CMIP: variants seen among roughly 807,000 people sequenced by gnomAD.
CMIP encodes c-Maf inducing protein.
CMIP carries 13 observed loss-of-function variants against 97.3 expected under a neutral mutation model. The ratio of observed to expected loss-of-function variants is 0.13; its 90% CI spans 0.09 to 0.21. CMIP has a LOEUF of 0.21. Among genes scored for constraint, CMIP ranks in the 10% least tolerant of loss-of-function variants. CMIP has a pLI of 1.00. For synonymous variants in CMIP, 538 were observed against 436.3 expected (o/e 1.23, Z -2.91); for missense variants, 847 against 1,024.9 (o/e 0.83, Z 2.37).
At chr16:81,512,135 A>G (rs549136995) in intron 1 of CMIP, among the ~76,000 whole-genome samples, 20 of 152,346 alleles carry the variant, frequency 1.3e-4, no homozygotes, top group African/African-American at 4.8e-4. Flanking sequence ...TGTGGCTACT[A>G]GAATATTTAG....
At chr16:81,521,799 A>T (rs1452059854) in intron 1 of CMIP, among the ~76,000 whole-genome samples, 1 of 152,186 alleles carries the variant, frequency 6.6e-6, no homozygotes, top group East Asian at 1.9e-4. Context: ...TTCAAACATA[A>T]GATACTTTTC....
intron 14 of CMIP, among the ~76,000 whole-genome samples, chr16:81,698,521 G>A (rs2317417): frequency 6.6e-6 from 1 of 151,952 alleles, no homozygotes; most frequent in Non-Finnish European, 1.5e-5. Context: ...AAGTTTCTAC[G>A]TGGTTCCAGC....
chr16:81,473,231 G>C (rs981194497), intron 1 of CMIP, among the ~76,000 whole-genome samples: 1 of 152,232 alleles, frequency 6.6e-6, no homozygotes, highest in African/African-American at 2.4e-5. Context: ...ACAGGCTGCG[G>C]CTGTCACTGA....
chr16:81,475,635 A>T (rs967728747), intron 1 of CMIP, among the ~76,000 whole-genome samples: 2 of 152,236 alleles, frequency 1.3e-5, no homozygotes, highest in African/African-American at 4.8e-5. Flanking sequence ...TACTGTGAGC[A>T]AATGGGGCAG....
intron 1 of CMIP, among the ~76,000 whole-genome samples, chr16:81,564,384 C>T (rs1399172720): frequency 6.6e-6 from 1 of 152,156 alleles, no homozygotes; most frequent in Non-Finnish European, 1.5e-5. Flanking sequence ...TGTGTCTTTA[C>T]GAGTGTGTGT....
intron 4 of CMIP, among the ~76,000 whole-genome samples, chr16:81,656,258 G>A (rs539701695): frequency 1.3e-4 from 20 of 152,246 alleles, no homozygotes; most frequent in African/African-American, 1.9e-4. Context: ...TTCATAGCTC[G>A]CAAGCTTTTC....
chr16:81,610,483 G>A (rs2091813110), intron 2 of CMIP: 7 of 985,722 alleles, frequency 7.1e-6, no homozygotes, highest in East Asian at 1.1e-4. Context: ...GCCGGACTCC[G>A]AGCTAATGAG....
intron 1 of CMIP, among the ~76,000 whole-genome samples, chr16:81,540,652 G>C (rs1433285508): frequency 2.6e-5 from 1 of 39,178 alleles, no homozygotes; most frequent in Non-Finnish European, 8.2e-5. Flanking sequence ...GAGTGTGTGT[G>C]TGTGTGTGTG....
In CMIP at chr16:81,652,196, C is replaced by T. The variant is rs1463495306; in HGVS notation, c.478-7C>T. ...CATGTTGCTGTCTCTTTATCTCTTT[C>T]AACCAGAAAAAGATTTACAAATATA... On this transcript the variant is annotated splice_polypyrimidine_tract_variant and splice_region_variant and intron_variant, in intron 3 of 20. Transcript: ENST00000537098. This position sits in a 1 kb window ranked among gnomAD's most constrained non-coding sequence, Gnocchi z 5.2. 1 of 1,609,594 alleles carries T rather than the reference C, an allele frequency of 6.2e-7. No homozygotes were observed. Among genetic ancestry groups the T allele is most frequent in the Admixed American group, 1.7e-5 (1 of 59,790 alleles).
At chr16:81,669,164 T>C (rs1251657077) in intron 7 of CMIP, among the ~76,000 whole-genome samples, 1 of 104,122 alleles carries the variant, frequency 9.6e-6, no homozygotes, top group Non-Finnish European at 1.9e-5. Context: ...CACACCCCTC[T>C]CACCTCCTTC....
chr16:81,700,531 A>G lies in CMIP; in HGVS notation c.1755+730A>G, dbSNP rs1907276147. On this transcript the variant is annotated intron_variant, in intron 15 of 20. Transcript: ENST00000537098. ...GAAGGCAGGCGGCATCACTTCTGCC[A>G]CATCCTCCTGCTGGCAGTGAGTCAC... 2.0e-5 allele frequency: 3 copies of G among 152,628 alleles called. No homozygotes were observed. The East Asian group carries it at 5.8e-4, about 29-fold the overall frequency. The allele number at this position is 152,628 out of a possible 1,614,324, so 9.5% of individuals were successfully genotyped here.
At chr16:81,548,895 G>C (rs1163402569) in intron 1 of CMIP, among the ~76,000 whole-genome samples, 1 of 152,106 alleles carries the variant, frequency 6.6e-6, no homozygotes, top group Non-Finnish European at 1.5e-5. Flanking sequence ...ATTGCCAAAT[G>C]CCCCCCGTTG....
At chr16:81,518,559 T>C (rs2089960523) in intron 1 of CMIP, 1 of 152,242 alleles carries the variant, frequency 6.6e-6, no homozygotes. Context: ...CCAGCACGGG[T>C]CAGGGCCTTT....
chr16:81,703,886 G>T, intron 17 of CMIP, 53 bp from the exon 18 acceptor site: 3 of 1,551,360 alleles, frequency 1.9e-6, no homozygotes, highest in East Asian at 2.4e-5. Context: ...GAGGGCTCAG[G>T]GTCTCGGGAA....
intron 1 of CMIP, among the ~76,000 whole-genome samples, chr16:81,483,173 C>T (rs2089257416): frequency 6.6e-6 from 1 of 151,998 alleles, no homozygotes. Context: ...ATAGGGTGAC[C>T]AAAGAAAATC....
rs946795180 is a variant in CMIP at position 81,616,839 on chromosome 16, A to G, written c.427-4037A>G. ...CTGAAGAAATCCGTCCCAGGCCTTT[A>G]GACATCAAGTGCTGCTGTGAGAGGC... On this transcript the variant is annotated intron_variant, in intron 2 of 20. Coordinates refer to ENST00000537098, the MANE Select transcript of CMIP (RefSeq NM_198390.3). The surrounding 1 kb of genome is among the most constrained non-coding windows in gnomAD (Gnocchi z 4.7). 6.6e-6 allele frequency among the ~76,000 whole-genome samples: 1 copy of G among 152,222 alleles called. No homozygotes were observed. Among genetic ancestry groups the G allele is most frequent in the Non-Finnish European group, 1.5e-5 (1 of 68,034 alleles).
chr16:81,569,014 G>A (rs574852235), intron 1 of CMIP, among the ~76,000 whole-genome samples: 61 of 152,326 alleles, frequency 4.0e-4, no homozygotes, highest in African/African-American at 1.3e-3. Context: ...AATTAGAACA[G>A]GGGGTGCAGT....
intron 1 of CMIP, among the ~76,000 whole-genome samples, chr16:81,451,395 T>G (rs901278642): frequency 2.0e-5 from 3 of 152,232 alleles, no homozygotes; most frequent in Non-Finnish European, 2.9e-5. Context: ...TGTGAGTCCA[T>G]TAAACCTCTG....
intron 3 of CMIP, 30 bp downstream of exon 3, chr16:81,620,956 G>A (rs559455746): frequency 1.9e-6 from 3 of 1,612,842 alleles, no homozygotes; most frequent in African/African-American, 2.7e-5. Flanking sequence ...CTTGTTTAAA[G>A]CGACTCAGGC....
Sources: gnomAD v4.1 joint callset for allele counts (sites outside exome capture counted in the v4.1 genomes callset) on GRCh38, gnomAD v4.1.1 for gene constraint, Gnocchi (gnomAD v3.1) non-coding constraint, MANE v1.5 for transcripts, NCBI Gene and HGNC (gene_info 2026-07-23, HGNC 2026-07-21) for gene names.